The following DDX10 variants were observed in gnomAD, a reference collection of about 807,000 sequenced individuals.
The protein encoded by DDX10 is probable ATP-dependent RNA helicase DDX10.
In DDX10, 74 loss-of-function variants were observed where a neutral mutation model predicts 104.3. The observed-to-expected ratio is 0.71, with a 90% CI of 0.59 to 0.86. DDX10 has a LOEUF of 0.86. DDX10 is among the 40% of genes least tolerant of loss of function. The pLI is 0.00. For synonymous variants in DDX10, 351 were observed against 353.4 expected (o/e 0.99, Z 0.08); for missense variants, 952 against 1,040.0 (o/e 0.92, Z 1.16).
intron 13 of DDX10, among the ~76,000 whole-genome samples, chr11:108,837,690 T>C (rs1444474704): frequency 2.1e-5 from 3 of 143,712 alleles, no homozygotes; most frequent in South Asian, 2.3e-4. Flanking sequence ...TGGTGTGATC[T>C]TCACTCACTG....
rs1413200974 is a variant in DDX10, at chr11:108,688,681, C to T, written c.849-255C>T. Among the ~76,000 whole-genome samples, 9 of 152,164 alleles carry T rather than the reference C, an allele frequency of 5.9e-5. 1 individual carries two copies. The highest frequency in any genetic ancestry group is 5.9e-4 in the Admixed American group (9 of 15,272). On this transcript the variant is annotated intron_variant, in intron 6 of 17. Transcript: ENST00000322536. ...TCTTCTTAGTTAATCCTTGACCCTGCATTTTTAGAGGTAATCACTGTTCTT... is the reference window on the plus strand; with the variant it reads ...TCTTCTTAGTTAATCCTTGACCCTGTATTTTTAGAGGTAATCACTGTTCTT...
intron 13 of DDX10, among the ~76,000 whole-genome samples, chr11:108,814,291 G>A (rs1862225336): frequency 6.6e-6 from 1 of 152,088 alleles, no homozygotes; most frequent in African/African-American, 2.4e-5. Context: ...TCTAAAGGGT[G>A]AATTTTTCTT....
chr11:108,769,022 A>ATTGTCT (rs1232711034), intron 13 of DDX10, among the ~76,000 whole-genome samples: 1 of 152,048 alleles, frequency 6.6e-6, no homozygotes, highest in African/African-American at 2.4e-5. Flanking sequence ...GTATTATCCC[A>ATTGTCT]TTGTCTTCTG....
Position 108,666,411 on chromosome 11 carries a change from CA to C in DDX10, c.186+1073del, listed in dbSNP as rs1474342869. Among the ~76,000 whole-genome samples the C allele has an allele frequency of 2.0e-5, 3 of 152,120 alleles. No homozygotes were observed. In the East Asian group the frequency reaches 5.8e-4, roughly 29 times the overall value. On this transcript the variant is annotated intron_variant, in intron 1 of 17. Coordinates refer to ENST00000322536, the MANE Select transcript of DDX10 (RefSeq NM_004398.4). Reference sequence around the variant, plus strand: ...AAGAGAATCGCTTGAACCCGGGAGGCAGAGGTTGCAGTGAGCCCAGATCGCA... The same window carrying C: ...AAGAGAATCGCTTGAACCCGGGAGGCGAGGTTGCAGTGAGCCCAGATCGCA...
intron 13 of DDX10, among the ~76,000 whole-genome samples, chr11:108,825,542 A>G (rs979371175): frequency 1.3e-5 from 2 of 152,226 alleles, no homozygotes; most frequent in Non-Finnish European, 2.9e-5. Flanking sequence ...GTTTGAACAC[A>G]GCTGAGATCA....
chr11:108,806,145 T>G (rs572281909), intron 13 of DDX10, among the ~76,000 whole-genome samples: 28 of 152,212 alleles, frequency 1.8e-4, no homozygotes, highest in Admixed American at 1.4e-3. Context: ...TTATTTTTAG[T>G]AGAGACGGGG....
intron 13 of DDX10, among the ~76,000 whole-genome samples, chr11:108,746,559 C>T (rs1380671238): frequency 1.3e-5 from 2 of 149,340 alleles, no homozygotes; most frequent in African/African-American, 4.8e-5. Context: ...TGGGTATATA[C>T]ACCTAGAAGT....
intron 16 of DDX10, among the ~76,000 whole-genome samples, chr11:108,856,498 A>G (rs2357224): frequency 6.6e-6 from 1 of 151,666 alleles, no homozygotes; most frequent in East Asian, 1.9e-4. Context: ...CAAAAAAAAA[A>G]CCTTAAAAAA....
chr11:108,777,396 C>T (rs1565275237), intron 13 of DDX10, among the ~76,000 whole-genome samples: 1 of 152,104 alleles, frequency 6.6e-6, no homozygotes, highest in East Asian at 1.9e-4. Flanking sequence ...GTGGCACCAT[C>T]TCAGCTCACT....
intron 15 of DDX10, among the ~76,000 whole-genome samples, chr11:108,848,441 G>A (rs1862748067): frequency 6.6e-6 from 1 of 152,130 alleles, no homozygotes; most frequent in African/African-American, 2.4e-5. Flanking sequence ...ATTTATATGA[G>A]AGGATAAAAG....
At chr11:108,693,985 G>GT (rs1177998798) in intron 9 of DDX10, among the ~76,000 whole-genome samples, 2 of 152,116 alleles carry the variant, frequency 1.3e-5, no homozygotes, top group African/African-American at 4.8e-5. Context: ...TATATGCTAT[G>GT]TTTTTTCAGT....
chr11:108,706,604 T>C (rs565692465), intron 9 of DDX10, 135 bp from the exon 10 acceptor site: 16 of 700,418 alleles, frequency 2.3e-5, no homozygotes, highest in Non-Finnish European at 3.5e-5. Flanking sequence ...TTTTCTGTTA[T>C]CAGAGATTAA....
chr11:108,750,130 A>C (rs1360923592), intron 13 of DDX10, among the ~76,000 whole-genome samples: 1 of 152,206 alleles, frequency 6.6e-6, no homozygotes, highest in East Asian at 1.9e-4. Flanking sequence ...ATGAGAAGCC[A>C]TTTTAAGATT....
At chr11:108,895,536 C>T (rs756596892) in intron 16 of DDX10, among the ~76,000 whole-genome samples, 1 of 151,960 alleles carries the variant, frequency 6.6e-6, no homozygotes, top group Non-Finnish European at 1.5e-5. Flanking sequence ...TAATACATAT[C>T]AATATTGATT....
At chr11:108,773,153 A>G (rs1479689712) in intron 13 of DDX10, among the ~76,000 whole-genome samples, 1 of 152,200 alleles carries the variant, frequency 6.6e-6, no homozygotes, top group African/African-American at 2.4e-5. Context: ...AATACATATG[A>G]TATTTGTTGA....
chr11:108,895,077 G>A (rs1375401693), intron 16 of DDX10, among the ~76,000 whole-genome samples: 1 of 151,968 alleles, frequency 6.6e-6, no homozygotes, highest in Non-Finnish European at 1.5e-5. Context: ...AGCCAGGTTT[G>A]AAATATCTGC....
chr11:108,920,302 A>G (rs1456407636), intron 17 of DDX10: 1 of 152,218 alleles, frequency 6.6e-6, no homozygotes, highest in African/African-American at 2.4e-5. Context: ...GCATTATATG[A>G]AAATTAAAAC....
intron 13 of DDX10, among the ~76,000 whole-genome samples, chr11:108,794,077 C>T (rs898516864): frequency 6.6e-6 from 1 of 152,010 alleles, no homozygotes; most frequent in Non-Finnish European, 1.5e-5. Flanking sequence ...TCCATTCATC[C>T]CTTGATGGAT....
chr11:108,696,186 G>GT (rs747814944), intron 9 of DDX10, among the ~76,000 whole-genome samples: 159 of 149,276 alleles, frequency 1.1e-3, no homozygotes, highest in Admixed American at 2.0e-3. Flanking sequence ...GTTCTGTTTT[G>GT]TTTTTTTTGA....
Sources: allele counts gnomAD v4.1 joint callset (sites outside exome capture counted in the v4.1 genomes callset), GRCh38; gene constraint gnomAD v4.1.1; transcripts MANE v1.5; gene names NCBI Gene and HGNC (gene_info 2026-07-23, HGNC 2026-07-21).